Variants in CRTAC1 observed in about 807,000 individuals in gnomAD.
CRTAC1 encodes cartilage acidic protein 1, also known as acidic secreted protein in cartilage.
CRTAC1 carries 37 observed loss-of-function variants against 67.8 expected under a neutral mutation model. The observed-to-expected ratio is 0.55, with a 90% confidence interval of 0.42 to 0.72. The LOEUF is 0.72. Among genes scored for constraint, CRTAC1 ranks in the 30% least tolerant of loss-of-function variants. CRTAC1 has a pLI of 0.00. For missense variants in CRTAC1, 780 were observed against 931.6 expected, an observed-to-expected ratio of 0.84 and a Z score of 2.12; for synonymous variants, 348 against 371.0, an observed-to-expected ratio of 0.94 and a Z score of 0.71.
chr10:97,912,541 T>G (rs2050702086), intron 5 of CRTAC1, among the ~76,000 whole-genome samples: 1 of 145,524 alleles, frequency 6.9e-6, no homozygotes, highest in South Asian at 2.3e-4. Context: ...CAGACCCAAG[T>G]ACAAGTCGGG....
chr10:97,880,236 G>T lies in CRTAC1; in HGVS notation c.1819+13C>A. On this transcript the variant is annotated intron_variant, in intron 14 of 14. Coordinates refer to ENST00000370597, the MANE Select transcript of CRTAC1 (RefSeq NM_018058.7). ...TCCTTTTGCTACTGGCCTATGGCTG[G>T]GGCCCCACTCACCCACGCAGGCTGT... 1 of 1,613,418 alleles carries T rather than the reference G, an allele frequency of 6.2e-7. No homozygotes were observed. Among genetic ancestry groups the T allele is most frequent in the Non-Finnish European group, 8.5e-7 (1 of 1,179,434 alleles).
chr10:97,880,417 C>A, intron 13 of CRTAC1, 25 bp from the exon 14 acceptor site: 1 of 1,606,576 alleles, frequency 6.2e-7, no homozygotes, highest in Non-Finnish European at 8.5e-7. Flanking sequence ...GAACCACTCA[C>A]CATGAAGGTG....
chr10:97,916,334 CT>C (rs1365976968), intron 5 of CRTAC1, among the ~76,000 whole-genome samples: 16 of 152,182 alleles, frequency 1.1e-4, no homozygotes, highest in Admixed American at 1.0e-3. Flanking sequence ...TCCATGGTAC[CT>C]TCACGCGCGG....
At chr10:98,011,029 G>A (rs1842894950) in intron 2 of CRTAC1, 109 bp downstream of exon 2, 1 of 937,852 alleles carries the variant, frequency 1.1e-6, no homozygotes, top group African/African-American at 1.6e-5. Flanking sequence ...ACAGACCTAT[G>A]AGTGAGAACG....
chr10:97,954,978 T>C (rs561204003), intron 2 of CRTAC1, among the ~76,000 whole-genome samples: 14 of 152,312 alleles, frequency 9.2e-5, no homozygotes, highest in Admixed American at 7.8e-4. Context: ...CATAGCTCTT[T>C]GGGGGACCAC....
intron 5 of CRTAC1, among the ~76,000 whole-genome samples, chr10:97,911,024 A>G (rs964165446): frequency 4.0e-4 from 61 of 152,162 alleles, no homozygotes; most frequent in Non-Finnish European, 1.3e-4. Context: ...GGCCTGTCCT[A>G]AAGCCAGCAG....
At chr10:97,938,604 A>G (rs180775893) in intron 2 of CRTAC1, among the ~76,000 whole-genome samples, 1 of 152,106 alleles carries the variant, frequency 6.6e-6, no homozygotes, top group East Asian at 1.9e-4. Context: ...AGGCCTGTTC[A>G]TTTTTCCCCC....
chr10:97,940,574 G>T (rs2136619377), intron 2 of CRTAC1, among the ~76,000 whole-genome samples: 1 of 152,354 alleles, frequency 6.6e-6, no homozygotes, highest in Non-Finnish European at 1.5e-5. Flanking sequence ...CCCGTGCTGT[G>T]AGAGCCATCC....
chr10:98,017,786 A>C (rs578142811), intron 1 of CRTAC1, among the ~76,000 whole-genome samples: 2 of 151,528 alleles, frequency 1.3e-5, no homozygotes, highest in East Asian at 3.9e-4. Context: ...AATTCTCCAC[A>C]GTGGCCTTCC....
chr10:97,984,752 G>A (rs1181054280), intron 2 of CRTAC1, among the ~76,000 whole-genome samples: 1 of 152,120 alleles, frequency 6.6e-6, no homozygotes, highest in East Asian at 1.9e-4. Flanking sequence ...GATGCTCAGT[G>A]GGATTCTTTG....
intron 2 of CRTAC1, among the ~76,000 whole-genome samples, chr10:97,980,621 C>A (rs2051878907): frequency 6.6e-6 from 1 of 152,208 alleles, no homozygotes; most frequent in Non-Finnish European, 1.5e-5. Flanking sequence ...GTCCAACCTC[C>A]TCATGCCACA....
At chr10:98,000,885 G>A (rs1842674338) in intron 2 of CRTAC1, among the ~76,000 whole-genome samples, 1 of 152,176 alleles carries the variant, frequency 6.6e-6, no homozygotes, top group African/African-American at 2.4e-5. Context: ...CTGGCAAAAG[G>A]ACATAGACAT....
intron 2 of CRTAC1, among the ~76,000 whole-genome samples, chr10:97,973,686 C>T (rs918386062): frequency 6.6e-6 from 1 of 152,194 alleles, no homozygotes; most frequent in African/African-American, 2.4e-5. Context: ...GCACCACTTC[C>T]TCCTTCCTGA....
chr10:97,905,964 G>T (rs977432478), intron 6 of CRTAC1, among the ~76,000 whole-genome samples: 1 of 152,160 alleles, frequency 6.6e-6, no homozygotes, highest in Non-Finnish European at 1.5e-5. Context: ...AGGTGAATGC[G>T]ACTCTAAGCA....
At position 97,908,167 on chromosome 10, in the gene CRTAC1, A is replaced by G; in HGVS notation, c.716-20T>C. On this transcript the variant is annotated intron_variant, in intron 5 of 14. Coordinates refer to ENST00000370597, the MANE Select transcript of CRTAC1 (RefSeq NM_018058.7). ...GGCCCCCTAGAAAAGACATCGACCC[A>G]CAGTGAGTGGCAGAAGCAAGCCCCA... 2.5e-6 allele frequency: 4 copies of G among 1,613,250 alleles called. No homozygotes were observed. Among genetic ancestry groups the G allele is most frequent in the Non-Finnish European group, 3.4e-6 (4 of 1,179,476 alleles).
In CRTAC1 at chr10:97,970,243, C is replaced by T. The variant is rs116706117; in HGVS notation, c.225-33877G>A. 6.3e-3 allele frequency among the ~76,000 whole-genome samples: 960 copies of T among 152,236 alleles called. 12 individuals carry two copies. The highest frequency in any genetic ancestry group is 0.021 in the African/African-American group (884 of 41,520). ...CACTCTGCTAATCTCTGGTTTAAGC[C>T]CATCATTTTTCATTTGGATTACTGC... On this transcript the variant is annotated intron_variant, in intron 2 of 14. Coordinates refer to ENST00000370597, the MANE Select transcript of CRTAC1 (RefSeq NM_018058.7).
intron 1 of CRTAC1, 21 bp from the exon 2 acceptor site, chr10:98,011,358 T>C: frequency 6.2e-7 from 1 of 1,612,688 alleles, no homozygotes; most frequent in Non-Finnish European, 8.5e-7. Flanking sequence ...AAGTGACAAA[T>C]GTTACCGAAA....
In CRTAC1 at chr10:97,884,277, C is replaced by T. The variant is rs776821475; in HGVS notation, c.1561G>A (p.Glu521Lys). ...KMVSRNVASGEMNSVLEILYP... is the reference protein window; with the variant it reads ...KMVSRNVASGKMNSVLEILYP... Reference sequence around the variant, plus strand: ...AGGATCTCCAGCACTGAGTTCATCTCCCCGCTGGCCACGTTCCGGCTCACC... The same window carrying T: ...AGGATCTCCAGCACTGAGTTCATCTTCCCGCTGGCCACGTTCCGGCTCACC... The change falls in exon 12 of 15, where the codon GAG (glutamate) becomes AAG (lysine). Residue 521 changes from glutamate (E) to lysine (K), a missense_variant. Transcript: ENST00000370597. The T allele has an allele frequency of 1.3e-6, 2 of 1,558,922 alleles. No individual in the cohort carries two copies. The highest frequency in any genetic ancestry group is 1.2e-5 in the South Asian group (1 of 84,670).
rs114603376 is a variant in CRTAC1, at chr10:97,943,256, C to T, written c.225-6890G>A. 4.1e-3 allele frequency among the ~76,000 whole-genome samples: 630 copies of T among 152,100 alleles called. 3 individuals are homozygous for T. The highest frequency in any genetic ancestry group is 0.014 in the African/African-American group (570 of 41,486). Reference sequence around the variant, plus strand: ...ATACAAAAAGGGAAGAGGAAGCCGACAAGCACAGAGAAAATGATATCAGAG... The same window carrying T: ...ATACAAAAAGGGAAGAGGAAGCCGATAAGCACAGAGAAAATGATATCAGAG... On this transcript the variant is annotated intron_variant, in intron 2 of 14. Coordinates refer to ENST00000370597, the MANE Select transcript of CRTAC1 (RefSeq NM_018058.7).
Sources: allele counts gnomAD v4.1 joint callset (sites outside exome capture counted in the v4.1 genomes callset), GRCh38; gene constraint gnomAD v4.1.1; transcripts MANE v1.5; gene names NCBI Gene and HGNC (gene_info 2026-07-23, HGNC 2026-07-21).